SDK1: variants seen among roughly 807,000 people sequenced by gnomAD.
SDK1 encodes protein sidekick-1.
A neutral mutation model predicts 245.5 loss-of-function variants in SDK1; 157 were observed. That is an observed-to-expected ratio of 0.64 (90% CI 0.56 to 0.73). The LOEUF (loss-of-function observed/expected upper bound fraction) is 0.73. Ranked by LOEUF, SDK1 falls within the 30% of genes least tolerant of loss-of-function variation. The pLI, the probability that SDK1 is intolerant of heterozygous loss-of-function variation, is 0.00. For synonymous variants in SDK1, 1,647 were observed against 1,278.5 expected (o/e 1.29, Z -6.15); for missense variants, 3,583 against 3,002.3 (o/e 1.19, Z -4.52).
intron 1 of SDK1, among the ~76,000 whole-genome samples, chr7:3,506,818 A>G (rs1489768819): frequency 6.6e-6 from 1 of 151,530 alleles, no homozygotes; most frequent in African/African-American, 2.4e-5. Context: ...CTTTATTTAA[A>G]TACATTACAT....
chr7:3,611,316 G>A (rs1781579862), intron 1 of SDK1, among the ~76,000 whole-genome samples: 1 of 152,086 alleles, frequency 6.6e-6, no homozygotes, highest in Non-Finnish European at 1.5e-5. Flanking sequence ...CATAGTTTGG[G>A]AATTAGTATG....
chr7:4,195,734 G>C (rs1369064184), intron 35 of SDK1, among the ~76,000 whole-genome samples: 6 of 152,176 alleles, frequency 3.9e-5, no homozygotes, highest in Admixed American at 3.9e-4. Context: ...CTTGCCTGCA[G>C]GGCTGCAGAG....
At chr7:3,719,348 AAAG>A (rs1562394138) in intron 4 of SDK1, among the ~76,000 whole-genome samples, 1 of 152,090 alleles carries the variant, frequency 6.6e-6, no homozygotes, top group Non-Finnish European at 1.5e-5. Flanking sequence ...CAACTCTGAA[AAAG>A]AAGAAAAAAG....
At chr7:3,458,929 A>T (rs2128594173) in intron 1 of SDK1, among the ~76,000 whole-genome samples, 1 of 152,210 alleles carries the variant, frequency 6.6e-6, no homozygotes, top group East Asian at 1.9e-4. Context: ...ATTGTTCAGG[A>T]TTGTCTTGAT....
intron 5 of SDK1, among the ~76,000 whole-genome samples, chr7:3,848,442 G>T (rs1026823910): frequency 5.3e-5 from 8 of 152,168 alleles, no homozygotes; most frequent in Non-Finnish European, 8.8e-5. Flanking sequence ...GGAGGAGGGT[G>T]ATCGTGAAAG....
intron 14 of SDK1, among the ~76,000 whole-genome samples, chr7:3,988,110 C>T (rs950523103): frequency 4.6e-5 from 7 of 151,278 alleles, no homozygotes; most frequent in Non-Finnish European, 8.8e-5. Flanking sequence ...TAACTTCTTC[C>T]CACTGCATCC....
chr7:3,389,372 A>G (rs1781688551), intron 1 of SDK1, among the ~76,000 whole-genome samples: 1 of 152,164 alleles, frequency 6.6e-6, no homozygotes, highest in Non-Finnish European at 1.5e-5. Flanking sequence ...TAAAGAGAAG[A>G]CAACTACGAG....
chr7:4,149,981 G>A (rs184143212), intron 30 of SDK1, among the ~76,000 whole-genome samples: 5 of 152,260 alleles, frequency 3.3e-5, no homozygotes, highest in Middle Eastern at 3.4e-3. Flanking sequence ...ACTAGAATCC[G>A]TCCACTCACT....
chr7:4,058,889 A>G (rs759803022), intron 19 of SDK1, among the ~76,000 whole-genome samples: 1 of 152,166 alleles, frequency 6.6e-6, no homozygotes, highest in African/African-American at 2.4e-5. Context: ...AATATCTACC[A>G]TCATGAAAAT....
chr7:4,157,479 A>AAGGAAGGAAGGAAGGAAAGC (rs138212351), intron 30 of SDK1, among the ~76,000 whole-genome samples: 49 of 102,540 alleles, frequency 4.8e-4, no homozygotes, highest in African/African-American at 7.6e-4. Context: ...GGAAGGAGGG[A>AAGGAAGGAAGGAAGGAAAGC]AGGAAGGGAG....
At chr7:3,842,110 G>A (rs1207196684) in intron 5 of SDK1, among the ~76,000 whole-genome samples, 1 of 152,198 alleles carries the variant, frequency 6.6e-6, no homozygotes, top group African/African-American at 2.4e-5. Context: ...CATGTTGGTG[G>A]CAGCTAAAAA....
chr7:3,381,045 T>C (rs557446753), intron 1 of SDK1, among the ~76,000 whole-genome samples: 1 of 152,308 alleles, frequency 6.6e-6, no homozygotes, highest in South Asian at 2.1e-4. Context: ...CAACTTGCTG[T>C]GTCAGCTGCA....
chr7:3,908,945 G>C (rs1201035279), intron 5 of SDK1, among the ~76,000 whole-genome samples: 2 of 152,000 alleles, frequency 1.3e-5, no homozygotes, highest in African/African-American at 4.8e-5. Context: ...GGTGACACTG[G>C]AGTTGGGGTG....
chr7:4,057,342 TCTC>T lies in SDK1; in HGVS notation c.2911+5515_2911+5517del, dbSNP rs1365133482. On this transcript the variant is annotated intron_variant, in intron 19 of 44. Transcript: ENST00000404826. ...CCACCACTATGAGCACCTGAGTACT[TCTC>T]CTGGGGACCTGAAGTCGGGCCCACC... 3.5e-4 allele frequency among the ~76,000 whole-genome samples: 53 copies of T among 152,052 alleles called. 2 individuals are homozygous for T. The highest frequency in any genetic ancestry group is 1.3e-3 in the African/African-American group (52 of 41,448).
intron 1 of SDK1, among the ~76,000 whole-genome samples, chr7:3,602,366 T>C (rs34822669): frequency 0.19 from 28,322 of 147,448 alleles, 3,160 homozygotes; most frequent in South Asian, 0.29. Context: ...TAATGATTGC[T>C]ATTCTAACTG....
rs192347150 is a variant in SDK1, at chr7:3,396,756, C to G, written c.298+94872C>G. Among the ~76,000 whole-genome samples, 555 of 151,774 alleles carry G rather than the reference C, an allele frequency of 3.7e-3. 3 individuals carry two copies. Among genetic ancestry groups the G allele is most frequent in the African/African-American group, 0.013 (521 of 41,514 alleles). ...GTATCTTTGTATCTAATGTGAATCT[C>G]TTCCAGACAGCATATGGTTGTCAAG... On this transcript the variant is annotated intron_variant, in intron 1 of 44. Transcript: ENST00000404826.
chr7:3,312,927 T>C (rs1273787329), intron 1 of SDK1, among the ~76,000 whole-genome samples: 1 of 152,140 alleles, frequency 6.6e-6, no homozygotes, highest in Non-Finnish European at 1.5e-5. Context: ...AATAAATTCA[T>C]ACCTAGACAT....
At chr7:3,523,694 C>G (rs1783021797) in intron 1 of SDK1, among the ~76,000 whole-genome samples, 1 of 152,074 alleles carries the variant, frequency 6.6e-6, no homozygotes, top group South Asian at 2.1e-4. Context: ...CTCCCAGCCT[C>G]CCAGAGCACA....
At chr7:3,408,575 G>C (rs1430267160) in intron 1 of SDK1, among the ~76,000 whole-genome samples, 1 of 152,064 alleles carries the variant, frequency 6.6e-6, no homozygotes, top group Non-Finnish European at 1.5e-5. Flanking sequence ...CATTTGTTTT[G>C]TTATTCAAGG....
Sources: allele counts gnomAD v4.1 joint callset (sites outside exome capture counted in the v4.1 genomes callset), GRCh38; gene constraint gnomAD v4.1.1; transcripts MANE v1.5; gene names NCBI Gene and HGNC (gene_info 2026-07-23, HGNC 2026-07-21).